The following PCDH15 variants were observed in gnomAD, a reference collection of about 807,000 sequenced individuals.
PCDH15 encodes protocadherin-15.
A neutral mutation model predicts 178.5 loss-of-function variants in PCDH15; 129 were observed. That is an observed-to-expected ratio of 0.72 (90% CI 0.63 to 0.84). The LOEUF is 0.84. Among genes scored for constraint, PCDH15 ranks in the 40% least tolerant of loss-of-function variants. PCDH15 has a pLI of 0.00. For missense variants in PCDH15, 2,230 were observed against 2,099.9 expected (o/e 1.06, Z -1.21); for synonymous variants, 800 against 732.0 (o/e 1.09, Z -1.50).
chr10:55,336,543 C>T (rs758330140), intron 2 of PCDH15, among the ~76,000 whole-genome samples: 11 of 152,102 alleles, frequency 7.2e-5, no homozygotes, highest in African/African-American at 2.7e-4. Flanking sequence ...TCTGATCTTC[C>T]TCTAAAGTAA....
intron 2 of PCDH15, among the ~76,000 whole-genome samples, chr10:55,472,193 T>G: frequency 6.6e-6 from 1 of 152,200 alleles, no homozygotes; most frequent in East Asian, 1.9e-4. Context: ...GCCAAGTAAT[T>G]TTTTAATCTC....
At chr10:54,937,083 T>C (rs541008503) in intron 2 of PCDH15, among the ~76,000 whole-genome samples, 10 of 152,148 alleles carry the variant, frequency 6.6e-5, no homozygotes, top group Admixed American at 2.6e-4. Flanking sequence ...TGTCTCCATA[T>C]CACTTCTTGA....
Position 54,151,584 on chromosome 10 carries a change from C to T in PCDH15, c.1784+1516G>A, listed in dbSNP as rs139222312. Among the ~76,000 whole-genome samples, 354 of 151,816 alleles carry T rather than the reference C, an allele frequency of 2.3e-3. 9 individuals are homozygous for T. The highest frequency in any genetic ancestry group is 0.022 in the Admixed American group (331 of 15,232). On this transcript the variant is annotated intron_variant, in intron 14 of 37. Transcript: ENST00000644397. The stretch of plus-strand genomic sequence containing the variant: ...AAAAAAAGCCTATTTACAATAAAAA[C>T]AAAAGATGTAGAAATAGATCAAGTA...
chr10:55,311,336 T>G (rs1264196300), intron 1 of PCDH15, among the ~76,000 whole-genome samples: 1 of 152,126 alleles, frequency 6.6e-6, no homozygotes, highest in Non-Finnish European at 1.5e-5. Flanking sequence ...CTTGTTAATA[T>G]GAGATTCCCC....
chr10:55,070,033 G>A (rs979507997), intron 2 of PCDH15, among the ~76,000 whole-genome samples: 1 of 151,912 alleles, frequency 6.6e-6, no homozygotes, highest in African/African-American at 2.4e-5. Context: ...GGCCAGTGAT[G>A]ATGAGTATTT....
In PCDH15 at chr10:53,827,388, C is replaced by T. The variant is rs890009859; in HGVS notation, c.4367+5G>A. On this transcript the variant is annotated splice_donor_5th_base_variant and intron_variant, in intron 32 of 37. Coordinates refer to ENST00000644397, the MANE Select transcript of PCDH15 (RefSeq NM_001384140.1). ...CTTCTCAGAGTTCCTGAACGGTCTA[C>T]TTACATTGAGCTGTCTCCAAGTTCT... 6 of 1,610,098 alleles carry T rather than the reference C, an allele frequency of 3.7e-6. No individual in the cohort carries two copies. The highest frequency in any genetic ancestry group is 5.1e-6 in the Non-Finnish European group (6 of 1,177,460).
At chr10:54,675,339 T>C (rs147437348) in intron 1 of PCDH15, among the ~76,000 whole-genome samples, 1 of 152,080 alleles carries the variant, frequency 6.6e-6, no homozygotes, top group African/African-American at 2.4e-5. Context: ...TTACTACTTA[T>C]TAATTTTCCA....
intron 3 of PCDH15, among the ~76,000 whole-genome samples, chr10:54,398,023 A>T (rs1951462766): frequency 6.6e-6 from 1 of 151,928 alleles, no homozygotes; most frequent in Non-Finnish European, 1.5e-5. Flanking sequence ...TATTACTTCA[A>T]TTATCTTATT....
intron 17 of PCDH15, among the ~76,000 whole-genome samples, chr10:54,070,681 C>T (rs1251655655): frequency 1.3e-5 from 2 of 152,076 alleles, no homozygotes; most frequent in Non-Finnish European, 2.9e-5. Flanking sequence ...CTTTGAACTC[C>T]TAGGCTCAAG....
At chr10:53,932,139 T>G (rs528097553) in intron 25 of PCDH15, among the ~76,000 whole-genome samples, 15 of 152,344 alleles carry the variant, frequency 9.8e-5, no homozygotes, top group Admixed American at 8.5e-4. Context: ...TTCAGCAACT[T>G]CAGTTTGCCA....
At position 53,804,676 on chromosome 10, in the gene PCDH15, T is replaced by G. The variant is rs1309502026; in HGVS notation, c.*1903A>C. ...TGGGGGTATCAAGATAATATTAAAT[T>G]ATATTCGATGACCTCTGATTGAATT... On this transcript the variant is annotated 3_prime_UTR_variant, in exon 38 of 38. Transcript: ENST00000644397. 6.6e-6 allele frequency: 1 copy of G among 152,014 alleles called. No homozygotes were observed. Among genetic ancestry groups the G allele is most frequent in the Non-Finnish European group, 1.5e-5 (1 of 67,932 alleles). The allele number at this position is 152,014 out of a possible 1,614,324, so 9.4% of individuals were successfully genotyped here.
chr10:54,825,966 T>C (rs1953125400), intron 3 of PCDH15, among the ~76,000 whole-genome samples: 1 of 152,144 alleles, frequency 6.6e-6, no homozygotes, highest in African/African-American at 2.4e-5. Context: ...TCCTTGAATA[T>C]GTAAGTCCAT....
chr10:54,729,792 C>T (rs568344917), intron 1 of PCDH15, among the ~76,000 whole-genome samples: 26 of 151,518 alleles, frequency 1.7e-4, no homozygotes, highest in African/African-American at 5.1e-4. Context: ...AGTAAACAAC[C>T]TATAAAAACA....
At chr10:53,814,521 A>AAGAT (rs1174172657) in intron 35 of PCDH15, among the ~76,000 whole-genome samples, 1 of 152,190 alleles carries the variant, frequency 6.6e-6, no homozygotes, top group African/African-American at 2.4e-5. Flanking sequence ...GAAACTCAGC[A>AAGAT]AGATAGCCCT....
At chr10:54,662,259 C>T (rs1478829157) in intron 2 of PCDH15, among the ~76,000 whole-genome samples, 2 of 151,754 alleles carry the variant, frequency 1.3e-5, no homozygotes, top group Non-Finnish European at 2.9e-5. Flanking sequence ...AGACACTTCC[C>T]AAAAGAAGAA....
chr10:55,150,083 GGGGAGGAAAAGATAGAAGAC>G (rs1319731548), intron 2 of PCDH15, among the ~76,000 whole-genome samples: 1 of 33,796 alleles, frequency 3.0e-5, no homozygotes, highest in Non-Finnish European at 8.0e-5. Context: ...GGGGAGGGGA[GGGGAGGAAAAGATAGAAGAC>G]GAGAGGAGAG....
upstream of PCDH15, among the ~76,000 whole-genome samples, chr10:55,321,127 G>GGAAAA (rs966515586): frequency 3.3e-5 from 5 of 151,068 alleles, no homozygotes; most frequent in Non-Finnish European, 5.9e-5. Flanking sequence ...GAAAGAGAAA[G>GGAAAA]GAAAAGAAAA....
chr10:54,887,467 T>G (rs1364728920), intron 3 of PCDH15, among the ~76,000 whole-genome samples: 2 of 152,166 alleles, frequency 1.3e-5, no homozygotes, highest in Non-Finnish European at 2.9e-5. Flanking sequence ...CTGATTCATG[T>G]TCAAATTCAT....
rs79470485 is a variant in PCDH15 at position 53,953,031 on chromosome 10, A to T, written c.3122+6701T>A. On this transcript the variant is annotated intron_variant, in intron 23 of 37. Coordinates refer to ENST00000644397, the MANE Select transcript of PCDH15 (RefSeq NM_001384140.1). ...CTGGGTGATTGCACCTGCACCTGAGAGCTCTGGGCTCCAGCCCCTCCAACT... is the reference window on the plus strand; with the variant it reads ...CTGGGTGATTGCACCTGCACCTGAGTGCTCTGGGCTCCAGCCCCTCCAACT... 1.6e-3 allele frequency among the ~76,000 whole-genome samples: 243 copies of T among 152,324 alleles called. 2 individuals are homozygous for T. The East Asian group carries it at 0.041, about 26-fold the overall frequency.
Sources: allele counts gnomAD v4.1 joint callset (sites outside exome capture counted in the v4.1 genomes callset), GRCh38; gene constraint gnomAD v4.1.1; transcripts MANE v1.5; gene names NCBI Gene and HGNC (gene_info 2026-07-23, HGNC 2026-07-21).